SPSB4: variants seen among roughly 807,000 people sequenced by gnomAD.
The protein encoded by SPSB4 is SPRY domain-containing SOCS box protein 4.
In SPSB4, 21 loss-of-function variants were observed where a neutral mutation model predicts 20.9. The observed-to-expected ratio is 1.01, with a 90% CI of 0.71 to 1.45. The LOEUF (loss-of-function observed/expected upper bound fraction) is 1.45, where lower values mean the gene tolerates loss of function less well. Among genes scored for constraint, SPSB4 ranks in the 40% most tolerant of loss-of-function variants. The pLI, the probability that SPSB4 is intolerant of heterozygous loss-of-function variation, is 0.00. For missense variants in SPSB4, 399 were observed against 399.2 expected (o/e 1.00, Z 0.00); for synonymous variants, 207 against 183.8 (o/e 1.13, Z -1.02).
chr3:141,136,240 C>T (rs548561666), intron 2 of SPSB4, among the ~76,000 whole-genome samples: 1 of 152,126 alleles, frequency 6.6e-6, no homozygotes, highest in Non-Finnish European at 1.5e-5. Flanking sequence ...TGGTTATTAG[C>T]CCTATGTCAG....
At chr3:141,105,464 C>A (rs1296163465) in intron 2 of SPSB4, among the ~76,000 whole-genome samples, 1 of 152,246 alleles carries the variant, frequency 6.6e-6, no homozygotes, top group East Asian at 1.9e-4. Context: ...TTATGCCAAG[C>A]ATTCCACTAG....
At chr3:141,073,271 C>T (rs6764752) in intron 2 of SPSB4, among the ~76,000 whole-genome samples, 7,991 of 152,254 alleles carry the variant, frequency 0.052, 691 homozygotes, top group African/African-American at 0.18. Context: ...TATTGATATG[C>T]GTTCCCTGAA....
intron 2 of SPSB4, among the ~76,000 whole-genome samples, chr3:141,100,383 A>G (rs537577327): frequency 6.6e-6 from 1 of 152,296 alleles, no homozygotes; most frequent in East Asian, 1.9e-4. Flanking sequence ...ATAGACATGC[A>G]CACAAGAAGA....
At chr3:141,063,228 A>G (rs1352678280) in intron 1 of SPSB4, among the ~76,000 whole-genome samples, 2 of 152,008 alleles carry the variant, frequency 1.3e-5, no homozygotes, top group African/African-American at 4.8e-5. Context: ...CCCTTCCTTT[A>G]TTTTCAAAAT....
intron 2 of SPSB4, among the ~76,000 whole-genome samples, chr3:141,087,258 C>G (rs1938362300): frequency 6.6e-6 from 1 of 152,156 alleles, no homozygotes; most frequent in Non-Finnish European, 1.5e-5. Flanking sequence ...AAGGAGACCT[C>G]TAGGAGGCCT....
intron 2 of SPSB4, among the ~76,000 whole-genome samples, chr3:141,144,310 C>T (rs149455104): frequency 4.7e-4 from 71 of 152,298 alleles, no homozygotes; most frequent in Middle Eastern, 3.4e-3. Context: ...GTTTATTGGC[C>T]ATTTGGATAT....
At chr3:141,139,760 C>A (rs1234227251) in intron 2 of SPSB4, among the ~76,000 whole-genome samples, 2 of 152,218 alleles carry the variant, frequency 1.3e-5, no homozygotes, top group East Asian at 3.8e-4. Flanking sequence ...ACTCAGGCTG[C>A]CCTTAACACT....
In SPSB4 at chr3:141,106,528, C is replaced by G. The variant is rs567701061; in HGVS notation, c.694+39730C>G. ...TACCTCCGATCAGAGTTCAAGAAAC[C>G]AAGTTCAGGGTCTAGGATGGGCTTA... On this transcript the variant is annotated intron_variant, in intron 2 of 2. Transcript: ENST00000310546. Among the ~76,000 whole-genome samples, 238 of 152,298 alleles carry G rather than the reference C, an allele frequency of 1.6e-3. 2 individuals carry two copies. In the South Asian group the frequency reaches 0.017, roughly 11 times the overall value.
chr3:141,061,242 C>T (rs1310222655), intron 1 of SPSB4, among the ~76,000 whole-genome samples: 2 of 151,704 alleles, frequency 1.3e-5, no homozygotes, highest in Non-Finnish European at 2.9e-5. Context: ...GCCCATTATA[C>T]CAATTTTTAA....
chr3:141,135,237 A>G (rs1000816449), intron 2 of SPSB4, among the ~76,000 whole-genome samples: 1 of 151,938 alleles, frequency 6.6e-6, no homozygotes, highest in Non-Finnish European at 1.5e-5. Context: ...TCAGTTATGT[A>G]TAGTAGAAGT....
chr3:141,067,536 A>G (rs1426290259), intron 2 of SPSB4, among the ~76,000 whole-genome samples: 1 of 152,236 alleles, frequency 6.6e-6, no homozygotes, highest in Non-Finnish European at 1.5e-5. Context: ...CTTGCAGGCT[A>G]CAAACCAGCC....
chr3:141,076,294 C>T (rs1322852585), intron 2 of SPSB4, among the ~76,000 whole-genome samples: 2 of 152,198 alleles, frequency 1.3e-5, no homozygotes, highest in Non-Finnish European at 2.9e-5. Context: ...CTTTTCACGT[C>T]CGGCCCCACT....
At chr3:141,126,957 C>T (rs1260676719) in intron 2 of SPSB4, among the ~76,000 whole-genome samples, 4 of 152,252 alleles carry the variant, frequency 2.6e-5, no homozygotes, top group Non-Finnish European at 5.9e-5. Flanking sequence ...CTCTCAAAGG[C>T]TGGGCAAGGG....
intron 2 of SPSB4, among the ~76,000 whole-genome samples, chr3:141,146,193 G>A (rs1939409726): frequency 6.6e-6 from 1 of 152,038 alleles, no homozygotes; most frequent in African/African-American, 2.4e-5. Context: ...TAATAAGGGG[G>A]TCTGCAATAA....
rs1936086616 is a variant in SPSB4, at chr3:141,051,469, C to T, written c.-677C>T. ...GAGCTGGCCGTGGCGGCCGGCGCGC[C>T]CCGCGCACAAAAGCACCCAGCCCCA... On this transcript the variant is annotated 5_prime_UTR_variant, in exon 1 of 3. Transcript: ENST00000310546. The T allele has an allele frequency of 6.5e-6, 1 of 153,258 alleles. No individual in the cohort carries two copies. Among genetic ancestry groups the T allele is most frequent in the South Asian group, 1.8e-4 (1 of 5,672 alleles). 9.5% of individuals were successfully genotyped at this position (153,258 alleles called of 1,614,324 possible). A position where few individuals can be genotyped will look rare whatever the true frequency, so the allele number is the denominator to read the frequency against.
At chr3:141,124,929 A>G (rs1939027442) in intron 2 of SPSB4, among the ~76,000 whole-genome samples, 1 of 152,214 alleles carries the variant, frequency 6.6e-6, no homozygotes, top group Admixed American at 6.5e-5. Context: ...ACAGGCTCCC[A>G]GGTGACACTG....
chr3:141,066,130 T>C lies in SPSB4; in HGVS notation c.26T>C (p.Leu9Pro). 1.3e-6 allele frequency: 2 copies of C among 1,531,166 alleles called. No individual in the cohort carries two copies. Among genetic ancestry groups the C allele is most frequent in the Non-Finnish European group, 1.8e-6 (2 of 1,141,928 alleles). 94.8% of individuals were successfully genotyped at this position (1,531,166 alleles called of 1,614,324 possible). The part of the protein sequence containing the change: MGQKLSGS[L>P]KSVEVREPAL... ...ATGGGCCAGAAGCTCTCGGGGAGCC[T>C]CAAGTCAGTGGAGGTGCGAGAGCCG... Residue 9 changes from leucine to proline, a missense_variant, in exon 2 of 3, where the codon CTC becomes CCC. By Grantham distance (98) the Leu-to-Pro change is moderately conservative (BLOSUM62 -3). Coordinates refer to ENST00000310546, the MANE Select transcript of SPSB4 (RefSeq NM_080862.3).
At chr3:141,099,627 T>G (rs1279192391) in intron 2 of SPSB4, among the ~76,000 whole-genome samples, 1 of 152,212 alleles carries the variant, frequency 6.6e-6, no homozygotes, top group Non-Finnish European at 1.5e-5. Context: ...TTAACCAAAG[T>G]GTATACTTCA....
At chr3:141,082,154 A>G (rs993088230) in intron 2 of SPSB4, among the ~76,000 whole-genome samples, 2 of 152,214 alleles carry the variant, frequency 1.3e-5, no homozygotes, top group African/African-American at 4.8e-5. Flanking sequence ...ACATGTGTGC[A>G]TCTGGCTGGG....
Sources: allele counts gnomAD v4.1 joint callset (sites outside exome capture counted in the v4.1 genomes callset), GRCh38; gene constraint gnomAD v4.1.1; transcripts MANE v1.5; gene names NCBI Gene and HGNC (gene_info 2026-07-23, HGNC 2026-07-21).